The following PXDN variants were observed in gnomAD, a reference collection of about 807,000 sequenced individuals.
PXDN encodes peroxidasin homolog.
In PXDN, 77 loss-of-function variants were observed where a neutral mutation model predicts 140.3. The ratio of observed to expected loss-of-function variants is 0.55; its 90% CI spans 0.46 to 0.66. The LOEUF is 0.66. Ranked by LOEUF, PXDN falls within the 30% of genes least tolerant of loss-of-function variation. The pLI is 0.00. For missense variants in PXDN, 1,838 were observed against 2,039.5 expected (o/e 0.90, Z 1.90); for synonymous variants, 911 against 857.4 (o/e 1.06, Z -1.09).
Position 1,648,832 on chromosome 2 carries a change from C to G in PXDN, c.2948G>C (p.Gly983Ala). The G allele has an allele frequency of 6.2e-7, 1 of 1,601,294 alleles. No homozygotes were observed. Among genetic ancestry groups the G allele is most frequent in the African/African-American group, 1.3e-5 (1 of 74,870 alleles). ...CCACAGCGTGTGCATGCTGGTCAGGCCCAGCTGCTCGTTGGCGCGGTGGTC... is the reference window on the plus strand; with the variant it reads ...CCACAGCGTGTGCATGCTGGTCAGGGCCAGCTGCTCGTTGGCGCGGTGGTC... ...AGDHRANEQL[G>A]LTSMHTLWFR... is the part of the protein sequence containing the mutation. Residue 983 changes from glycine to alanine, a missense_variant, in exon 17 of 23, where the codon GGC (glycine) becomes GCC (alanine). This residue lies in a region of PXDN where 850 missense variants were observed against 894.1 expected (regional missense o/e 0.95). Transcript: ENST00000252804. This position sits in a 1 kb window ranked among gnomAD's most constrained non-coding sequence, Gnocchi z 8.9.
At chr2:1,739,533 CAA>C (rs1212484079) in intron 1 of PXDN, among the ~76,000 whole-genome samples, 1 of 152,162 alleles carries the variant, frequency 6.6e-6, no homozygotes, top group Non-Finnish European at 1.5e-5. Context: ...GACTTCCTAA[CAA>C]GAGAAAGCAC....
intron 1 of PXDN, among the ~76,000 whole-genome samples, chr2:1,703,012 G>GA (rs1371511377): frequency 9.2e-6 from 1 of 108,400 alleles, no homozygotes; most frequent in Non-Finnish European, 1.9e-5. Flanking sequence ...CCAGGTGAAG[G>GA]GGGGACAGCT....
chr2:1,661,651 T>C (rs1322082580), intron 13 of PXDN, among the ~76,000 whole-genome samples: 1 of 152,190 alleles, frequency 6.6e-6, no homozygotes. Context: ...TCATGGTGTG[T>C]GAGTGCTACC....
rs1267601387 is a variant in PXDN, at chr2:1,651,692, C to T, written c.2104+1936G>A. On this transcript the variant is annotated intron_variant, in intron 16 of 22. Coordinates refer to ENST00000252804, the MANE Select transcript of PXDN (RefSeq NM_012293.3). This position sits in a 1 kb window ranked among gnomAD's most constrained non-coding sequence, Gnocchi z 4.4. Reference sequence around the variant, plus strand: ...CAGATGCTCCAGGGAGGCCCCCTCGCCCTTGTGGGGTCCCTGCTCACGTGT... The same window carrying T: ...CAGATGCTCCAGGGAGGCCCCCTCGTCCTTGTGGGGTCCCTGCTCACGTGT... Among the ~76,000 whole-genome samples the T allele has an allele frequency of 6.6e-6, 1 of 152,180 alleles. No individual in the cohort carries two copies. The highest frequency in any genetic ancestry group is 1.5e-5 in the Non-Finnish European group (1 of 68,028).
rs890437545 is a variant in PXDN, at chr2:1,649,682, C to T, written c.2105-7G>A. ...AGGTCGTTGTAGTGGTAACCTGGGA[C>T]GTGGAGAAAAGCAAGACGCACTCAA... On this transcript the variant is annotated splice_polypyrimidine_tract_variant and splice_region_variant and intron_variant, in intron 16 of 22. Transcript: ENST00000252804. This position sits in a 1 kb window ranked among gnomAD's most constrained non-coding sequence, Gnocchi z 7.1. The T allele has an allele frequency of 1.9e-5, 30 of 1,613,500 alleles. No individual in the cohort carries two copies. Among genetic ancestry groups the T allele is most frequent in the African/African-American group, 2.7e-5 (2 of 74,888 alleles).
At chr2:1,635,323 T>C (rs1306654932) in intron 22 of PXDN, 85 bp downstream of exon 22, 21 of 1,201,982 alleles carry the variant, frequency 1.7e-5, no homozygotes, top group Admixed American at 4.0e-5. Context: ...GGCCCTGACA[T>C]CTGGGCCACC....
At chr2:1,705,794 G>A (rs374847934) in intron 1 of PXDN, among the ~76,000 whole-genome samples, 5 of 149,190 alleles carry the variant, frequency 3.4e-5, no homozygotes, top group South Asian at 2.2e-4. Context: ...AGCTCCCCAC[G>A]ACCTGGGATG....
intron 1 of PXDN, among the ~76,000 whole-genome samples, chr2:1,739,739 C>T (rs1383090734): frequency 6.6e-6 from 1 of 152,168 alleles, no homozygotes; most frequent in Admixed American, 6.5e-5. Context: ...CTTCTGGCCA[C>T]AGAACACAGA....
At chr2:1,744,745 G>C (rs1685653347), upstream of PXDN, 1 of 268,752 alleles carries the variant, frequency 3.7e-6, no homozygotes, top group African/African-American at 2.2e-5. Flanking sequence ...CTGATTCTGC[G>C]CTCGAGACTC....
At position 1,639,866 on chromosome 2, in the gene PXDN, C is replaced by G. The variant is rs1682673863; in HGVS notation, c.3953-444G>C. 6.6e-6 allele frequency among the ~76,000 whole-genome samples: 1 copy of G among 152,216 alleles called. No homozygotes were observed. Among genetic ancestry groups the G allele is most frequent in the Non-Finnish European group, 1.5e-5 (1 of 68,034 alleles). ...CACTCCCTACGTCACACTGCCAGCCCCAGTGTCAGACAAGAGGCGGCCTGA... is the reference window on the plus strand; with the variant it reads ...CACTCCCTACGTCACACTGCCAGCCGCAGTGTCAGACAAGAGGCGGCCTGA... On this transcript the variant is annotated intron_variant, in intron 19 of 22. Transcript: ENST00000252804. The surrounding 1 kb of genome is among the most constrained non-coding windows in gnomAD (Gnocchi z 5.0).
intron 1 of PXDN, among the ~76,000 whole-genome samples, chr2:1,735,264 C>A (rs143787116): frequency 6.6e-6 from 1 of 152,164 alleles, no homozygotes; most frequent in Non-Finnish European, 1.5e-5. Context: ...ATGTTTTGAC[C>A]CCCCCATGAA....
chr2:1,659,259 A>G lies in PXDN; in HGVS notation c.1837+1622T>C, dbSNP rs564259450. Among the ~76,000 whole-genome samples, 17 of 152,364 alleles carry G rather than the reference A, an allele frequency of 1.1e-4. No homozygotes were observed. In the South Asian group the frequency reaches 2.3e-3, roughly 20 times the overall value. On this transcript the variant is annotated intron_variant, in intron 14 of 22. Transcript: ENST00000252804. ...TAGGTGAGCTCATTGGCTATTTTGCATATTTGAGGTATGTATACATGGACA... is the reference window on the plus strand; with the variant it reads ...TAGGTGAGCTCATTGGCTATTTTGCGTATTTGAGGTATGTATACATGGACA...
chr2:1,661,421 T>G (rs1168906008), intron 13 of PXDN, among the ~76,000 whole-genome samples: 1 of 152,130 alleles, frequency 6.6e-6, no homozygotes, highest in Non-Finnish European at 1.5e-5. Context: ...AAAGAAGGAT[T>G]CAGAGGCAGA....
chr2:1,638,339 A>G (rs1682624859), intron 21 of PXDN, among the ~76,000 whole-genome samples: 1 of 152,120 alleles, frequency 6.6e-6, no homozygotes, highest in South Asian at 2.1e-4. Context: ...GACAGAACTC[A>G]TTTCCACAGA....
intron 1 of PXDN, among the ~76,000 whole-genome samples, chr2:1,719,522 C>A (rs2125477738): frequency 6.6e-6 from 1 of 152,358 alleles, no homozygotes; most frequent in African/African-American, 2.4e-5. Context: ...GGCTCCCTAG[C>A]ACCCCTGTGC....
chr2:1,717,908 G>A (rs1453190417), intron 1 of PXDN, among the ~76,000 whole-genome samples: 7 of 147,778 alleles, frequency 4.7e-5, no homozygotes, highest in Non-Finnish European at 7.4e-5. Context: ...CCCACTAACC[G>A]ACCACCCAAA....
intron 14 of PXDN, among the ~76,000 whole-genome samples, chr2:1,658,362 A>G (rs1683217557): frequency 1.3e-5 from 2 of 151,794 alleles, no homozygotes; most frequent in African/African-American, 4.8e-5. Context: ...CTTCTTCCCC[A>G]AGCCGGTTCC....
rs1374282686 is a variant in PXDN at position 1,673,818 on chromosome 2, A to G, written c.849-6T>C. On this transcript the variant is annotated splice_region_variant and splice_polypyrimidine_tract_variant and intron_variant, in intron 8 of 22. Coordinates refer to ENST00000252804, the MANE Select transcript of PXDN (RefSeq NM_012293.3). ...TCTTCATGCTCAGCTCATTACTACAAAGACAGAAATATGGTCTGGTCAAGT... is the reference window on the plus strand; with the variant it reads ...TCTTCATGCTCAGCTCATTACTACAGAGACAGAAATATGGTCTGGTCAAGT... 1.9e-6 allele frequency: 3 copies of G among 1,613,734 alleles called. No homozygotes were observed. The highest frequency in any genetic ancestry group is 2.5e-6 in the Non-Finnish European group (3 of 1,179,782).
chr2:1,673,844 G>A (rs767176793), intron 8 of PXDN, 32 bp from the exon 9 acceptor site: 19 of 1,611,082 alleles, frequency 1.2e-5, no homozygotes, highest in East Asian at 2.2e-5. Flanking sequence ...CTGGTCAAGT[G>A]TTGAAAGCAC....
Sources: allele counts gnomAD v4.1 joint callset (sites outside exome capture counted in the v4.1 genomes callset), GRCh38; gene constraint gnomAD v4.1.1; regional missense constraint gnomAD v4.1.1; non-coding constraint Gnocchi (gnomAD v3.1); transcripts MANE v1.5; gene names NCBI Gene and HGNC (gene_info 2026-07-23, HGNC 2026-07-21).